Variants in NID2 observed in about 807,000 individuals in gnomAD.
The protein encoded by NID2 is nidogen-2.
A neutral mutation model predicts 145.4 loss-of-function variants in NID2; 83 were observed. The ratio of observed to expected loss-of-function variants is 0.57; its 90% CI spans 0.48 to 0.69. The LOEUF is 0.69. NID2 is among the 30% of genes least tolerant of loss of function. The pLI, the probability that NID2 is intolerant of heterozygous loss-of-function variation, is 0.00. For missense variants in NID2, 1,807 were observed against 1,765.7 expected (o/e 1.02, Z -0.42); for synonymous variants, 739 against 701.3 (o/e 1.05, Z -0.85).
At chr14:52,023,852 G>GT (rs577647468) in intron 12 of NID2, among the ~76,000 whole-genome samples, 32 of 152,206 alleles carry the variant, frequency 2.1e-4, no homozygotes, top group African/African-American at 5.5e-4. Flanking sequence ...CAGGGAGCCG[G>GT]TTTTTTTAAC....
chr14:52,042,994 G>A, intron 5 of NID2, 63 bp from the exon 6 acceptor site: 2 of 1,522,536 alleles, frequency 1.3e-6, no homozygotes, highest in Non-Finnish European at 1.8e-6. Context: ...TGCTGCATCG[G>A]GGACACAACA....
intron 16 of NID2, 132 bp downstream of exon 16, chr14:52,014,155 C>A: frequency 8.6e-7 from 1 of 1,166,408 alleles, no homozygotes; most frequent in Non-Finnish European, 1.3e-6. Flanking sequence ...CGGGCCCATG[C>A]CGATGGGCTG....
intron 11 of NID2, 100 bp downstream of exon 11, chr14:52,028,622 G>T: frequency 2.2e-6 from 3 of 1,340,634 alleles, no homozygotes; most frequent in Non-Finnish European, 3.1e-6. Flanking sequence ...AAACCATATA[G>T]CAGAGCCTCT....
rs201878901 is a variant in NID2, at chr14:52,054,102, C to G, written c.987G>C (p.Pro329=). 1.2e-6 allele frequency: 2 copies of G among 1,614,040 alleles called. No homozygotes were observed. Among genetic ancestry groups the G allele is most frequent in the East Asian group, 2.2e-5 (1 of 44,894 alleles). ...CATTCAATGCCTCCTCTGGTTCACCCGGAAGGTATTCAGCTTCCTCCTCAT... is the reference window on the plus strand; with the variant it reads ...CATTCAATGCCTCCTCTGGTTCACCGGGAAGGTATTCAGCTTCCTCCTCAT... The part of the protein sequence containing the change: ...DVNEEEAEYL[P]GEPEEALNGH... Residue 329 remains proline, a synonymous_variant, in exon 4 of 22, where the codon CCG becomes CCC. Coordinates refer to ENST00000216286, the MANE Select transcript of NID2 (RefSeq NM_007361.4).
At chr14:52,056,823 G>A (rs1057266745) in intron 3 of NID2, among the ~76,000 whole-genome samples, 5 of 152,026 alleles carry the variant, frequency 3.3e-5, no homozygotes, top group African/African-American at 1.2e-4. Context: ...GCCTATCACT[G>A]GCCCTAAACA....
intron 1 of NID2, 23 bp from the exon 2 acceptor site, chr14:52,068,186 A>C: frequency 6.2e-7 from 1 of 1,608,492 alleles, no homozygotes; most frequent in East Asian, 2.2e-5. Flanking sequence ...AGGGACAAAA[A>C]GGTGACAGTC....
chr14:52,051,578 G>A (rs778845899), intron 5 of NID2, among the ~76,000 whole-genome samples: 3 of 152,156 alleles, frequency 2.0e-5, no homozygotes, highest in South Asian at 2.1e-4. Flanking sequence ...ACAGCTTCCC[G>A]GAGGAAGCCC....
rs760807827 is a variant in NID2 at position 52,010,963 on chromosome 14, C to T, written c.3635G>A (p.Ser1212Asn). The T allele has an allele frequency of 1.2e-6, 2 of 1,614,040 alleles. No individual in the cohort carries two copies. The highest frequency in any genetic ancestry group is 1.1e-5 in the South Asian group (1 of 91,088). ...GCGCTCAGAGCCATCCAGCAGGGCG[C>T]TCTCTATCTTATCCAGGACACTGTC... The part of the protein sequence containing the change: ...WTDSVLDKIE[S>N]ALLDGSERKV... The change falls in exon 18 of 22, where the codon AGC becomes AAC. Residue 1212 changes from serine to asparagine, a missense_variant. By Grantham distance (46) the Ser-to-Asn change is conservative. Transcript: ENST00000216286.
At chr14:52,041,261 T>C (rs1054943588) in intron 7 of NID2, among the ~76,000 whole-genome samples, 2 of 152,208 alleles carry the variant, frequency 1.3e-5, no homozygotes, top group African/African-American at 4.8e-5. Context: ...TCATGAAATA[T>C]GTGGGTAATA....
intron 19 of NID2, 199 bp from the exon 20 acceptor site, chr14:52,006,859 T>C: frequency 2.2e-6 from 1 of 445,622 alleles, no homozygotes; most frequent in Non-Finnish European, 4.0e-6. Context: ...TCAATCCTTT[T>C]TTGGAAGACA....
At chr14:52,054,557 A>T (rs1004174158) in intron 3 of NID2, among the ~76,000 whole-genome samples, 1 of 152,148 alleles carries the variant, frequency 6.6e-6, no homozygotes, top group African/African-American at 2.4e-5. Context: ...TTTCTAAAAA[A>T]CTTAGCCAGG....
intron 14 of NID2, among the ~76,000 whole-genome samples, 178 bp downstream of exon 14, chr14:52,018,881 ATC>A (rs1891305846): frequency 6.6e-6 from 1 of 152,228 alleles, no homozygotes; most frequent in South Asian, 2.1e-4. Flanking sequence ...TGTATTGCAT[ATC>A]TCTATGTCCT....
rs753314643 is a variant in NID2 at position 52,038,813 on chromosome 14, C to A, written c.2191G>T (p.Ala731Ser). The A allele has an allele frequency of 7.4e-6, 12 of 1,613,466 alleles. No individual in the cohort carries two copies. In the South Asian group the frequency reaches 1.3e-4, roughly 18 times the overall value. The stretch of plus-strand genomic sequence containing the variant: ...ACTCTTTCTTCGTCATTATACAAGG[C>A]AAAGACCCGGTCCACGTTCAGCTGC... ...TQQLNVDRVFALYNDEERVLR... is the reference protein window; with the variant it reads ...TQQLNVDRVFSLYNDEERVLR... Residue 731 changes from alanine (A) to serine (S), a missense_variant, in exon 9 of 22, where the codon GCC becomes TCC. Coordinates refer to ENST00000216286, the MANE Select transcript of NID2 (RefSeq NM_007361.4).
At position 52,038,731 on chromosome 14, in the gene NID2, A is replaced by C; in HGVS notation, c.2257+16T>G. The C allele has an allele frequency of 6.5e-7, 1 of 1,535,392 alleles. No homozygotes were observed. The highest frequency in any genetic ancestry group is 2.1e-5 in the Admixed American group (1 of 47,210). On this transcript the variant is annotated intron_variant, in intron 9 of 21. Transcript: ENST00000216286. ...AGGATGTCATTTTTACCCAACAACA[A>C]AAAAGGAAACCTTACCTTTGACCGG... is the stretch of plus-strand genomic sequence containing the variant.
chr14:52,037,179 T>C (rs942569558), intron 9 of NID2, among the ~76,000 whole-genome samples: 3 of 152,252 alleles, frequency 2.0e-5, no homozygotes, highest in African/African-American at 7.2e-5. Flanking sequence ...TTCTTTTGTA[T>C]GTGGTCACTC....
At chr14:52,012,830 G>A (rs1332763140) in intron 16 of NID2, among the ~76,000 whole-genome samples, 1 of 152,224 alleles carries the variant, frequency 6.6e-6, no homozygotes, top group Non-Finnish European at 1.5e-5. Context: ...CAGCAGATGT[G>A]CAAAGCCAAC....
chr14:52,040,703 A>G lies in NID2; in HGVS notation c.1974T>C (p.Asn658=). The change falls in exon 8 of 22, where the codon AAT becomes AAC. Residue 658 remains asparagine, a synonymous_variant. Coordinates refer to ENST00000216286, the MANE Select transcript of NID2 (RefSeq NM_007361.4). ...IQGQVPYVSA[N]FTAHISPYKE... ...TGTAGGGAGAGATGTGGGCTGTGAAATTTGCTGAGACGTAAGGCACCTGGC... is the reference window on the plus strand; with the variant it reads ...TGTAGGGAGAGATGTGGGCTGTGAAGTTTGCTGAGACGTAAGGCACCTGGC... The G allele has an allele frequency of 6.2e-7, 1 of 1,614,044 alleles. No homozygotes were observed. Among genetic ancestry groups the G allele is most frequent in the Non-Finnish European group, 8.5e-7 (1 of 1,180,010 alleles).
rs753231208 is a variant in NID2, at chr14:52,005,723, A to G, written c.4117+14T>C. ...CTGCTAATTTAAAGGAGCATCCTAA[A>G]GCATACTTTTTACCTGTTGGGCAGT... is the stretch of plus-strand genomic sequence containing the variant. On this transcript the variant is annotated intron_variant, in intron 21 of 21. Coordinates refer to ENST00000216286, the MANE Select transcript of NID2 (RefSeq NM_007361.4). 1 of 1,595,676 alleles carries G rather than the reference A, an allele frequency of 6.3e-7. No individual in the cohort carries two copies. The highest frequency in any genetic ancestry group is 1.7e-5 in the Admixed American group (1 of 59,992).
intron 5 of NID2, among the ~76,000 whole-genome samples, chr14:52,045,807 C>T (rs1892469899): frequency 6.6e-6 from 1 of 152,184 alleles, no homozygotes; most frequent in Non-Finnish European, 1.5e-5. Flanking sequence ...GGACTTTCTC[C>T]CAGAGCTCAA....
Sources: allele counts gnomAD v4.1 joint callset (sites outside exome capture counted in the v4.1 genomes callset), GRCh38; gene constraint gnomAD v4.1.1; transcripts MANE v1.5; gene names NCBI Gene and HGNC (gene_info 2026-07-23, HGNC 2026-07-21).